N4BP2L1: variants seen among roughly 807,000 people sequenced by gnomAD.
The protein encoded by N4BP2L1 is NEDD4 binding protein 2 like 1, also known as NEDD4-binding protein 2-like 1.
In N4BP2L1, 12 loss-of-function variants were observed where a neutral mutation model predicts 21.2. That is an observed-to-expected ratio of 0.57 (90% CI 0.36 to 0.92). The LOEUF (loss-of-function observed/expected upper bound fraction) is 0.92. N4BP2L1 is among the 40% of genes least tolerant of loss of function. The probability of loss-of-function intolerance (pLI) is 0.01; values close to 1 mark genes in which losing one functional copy is unlikely to be tolerated. For missense variants in N4BP2L1, 259 were observed against 310.6 expected, an observed-to-expected ratio of 0.83 and a Z score of 1.25; for synonymous variants, 104 against 112.8, an observed-to-expected ratio of 0.92 and a Z score of 0.49.
chr13:32,420,145 C>G (rs1418649446), intron 1 of N4BP2L1, among the ~76,000 whole-genome samples: 1 of 152,266 alleles, frequency 6.6e-6, no homozygotes, highest in African/African-American at 2.4e-5. Context: ...CTTTACCCCT[C>G]ATACCTCCAA....
At chr13:32,407,568 A>C (rs761645777) in intron 2 of N4BP2L1, 77 bp downstream of exon 2, 1 of 1,604,814 alleles carries the variant, frequency 6.2e-7, no homozygotes, top group East Asian at 2.2e-5. Flanking sequence ...TCCTTCCATA[A>C]AATTTATTCA....
At chr13:32,429,327 C>G (rs2074933414), upstream of N4BP2L1, among the ~76,000 whole-genome samples, 1 of 152,164 alleles carries the variant, frequency 6.6e-6, no homozygotes, top group Admixed American at 6.5e-5. Flanking sequence ...AAAATCCATT[C>G]CCAGCGTGGA....
intron 1 of N4BP2L1, among the ~76,000 whole-genome samples, chr13:32,408,140 G>T (rs1231229350): frequency 6.6e-6 from 1 of 152,144 alleles, no homozygotes; most frequent in Non-Finnish European, 1.5e-5. Flanking sequence ...TCCTCTCCGA[G>T]GCACCAGTGC....
intron 1 of N4BP2L1, chr13:32,416,137 C>G (rs774342031): frequency 2.0e-5 from 3 of 152,210 alleles, no homozygotes; most frequent in Non-Finnish European, 4.4e-5. Flanking sequence ...AGTCCATTTT[C>G]TTTAACTGCT....
chr13:32,428,420 A>G (rs1052976423), upstream of N4BP2L1: 1 of 196,758 alleles, frequency 5.1e-6, no homozygotes, highest in Non-Finnish European at 1.0e-5. Context: ...CCCGGCCTGG[A>G]AGCCAGGCCT....
At chr13:32,418,956 G>A (rs569454188) in intron 1 of N4BP2L1, among the ~76,000 whole-genome samples, 1 of 152,186 alleles carries the variant, frequency 6.6e-6, no homozygotes, top group South Asian at 2.1e-4. Context: ...ATAAGCAGAA[G>A]GGACTTGCCT....
chr13:32,416,230 G>A (rs2074132305), intron 1 of N4BP2L1, among the ~76,000 whole-genome samples: 1 of 152,114 alleles, frequency 6.6e-6, no homozygotes, highest in Admixed American at 6.5e-5. Flanking sequence ...CTATTCTAGA[G>A]GCTTTACATT....
chr13:32,420,352 A>C (rs191260158), intron 1 of N4BP2L1: 5 of 152,372 alleles, frequency 3.3e-5, no homozygotes, highest in Non-Finnish European at 7.3e-5. Context: ...GAATTGGGGA[A>C]GGAATCAGGC....
At position 32,401,526 on chromosome 13, in the gene N4BP2L1, A is replaced by G. The variant is rs2073128969; in HGVS notation, c.*1416T>C. ...CAGTAGTGTCAGATAACGTTAAAAC[A>G]GTCTCATGTACACAGATCAAATATA... is the stretch of plus-strand genomic sequence containing the variant. On this transcript the variant is annotated 3_prime_UTR_variant, in exon 5 of 5. Transcript: ENST00000380130. 1 of 152,254 alleles carries G rather than the reference A, an allele frequency of 6.6e-6. No homozygotes were observed. Among genetic ancestry groups the G allele is most frequent in the Non-Finnish European group, 1.5e-5 (1 of 68,032 alleles). 9.4% of individuals were successfully genotyped at this position (152,254 alleles called of 1,614,324 possible).
At chr13:32,418,439 G>A (rs892402622) in intron 1 of N4BP2L1, among the ~76,000 whole-genome samples, 1 of 152,250 alleles carries the variant, frequency 6.6e-6, no homozygotes, top group Non-Finnish European at 1.5e-5. Flanking sequence ...CCAGGCAGAG[G>A]TGTGCTGCAG....
chr13:32,413,524 T>C (rs2137843356), intron 1 of N4BP2L1, among the ~76,000 whole-genome samples: 1 of 152,328 alleles, frequency 6.6e-6, no homozygotes, highest in Middle Eastern at 3.4e-3. Context: ...CATGCTAAAT[T>C]CAATGCTAAG....
intron 1 of N4BP2L1, among the ~76,000 whole-genome samples, chr13:32,419,184 T>C (rs1342862868): frequency 6.6e-6 from 1 of 151,194 alleles, no homozygotes; most frequent in Admixed American, 6.6e-5. Flanking sequence ...AACTGAATCA[T>C]GGGAGCAGTT....
chr13:32,402,958 C>A lies in N4BP2L1; in HGVS notation c.716G>T (p.Cys239Phe). 1 of 1,607,628 alleles carries A rather than the reference C, an allele frequency of 6.2e-7. No individual in the cohort carries two copies. The highest frequency in any genetic ancestry group is 8.5e-7 in the Non-Finnish European group (1 of 1,175,582). The change falls in exon 5 of 5, where the codon TGT becomes TTT. Residue 239 changes from cysteine to phenylalanine, a missense_variant. This residue lies in a region of N4BP2L1 where 108 missense variants were observed against 107.8 expected (regional missense o/e 1.00). Coordinates refer to ENST00000380130, the MANE Select transcript of N4BP2L1 (RefSeq NM_052818.3). ...GATAGGCCTCTAATATCCATGGTGA[C>A]AACCGCCCCTTCTGTGATAGGAGCT... ...NESSYHRRGG[C>F]HHGY
intron 1 of N4BP2L1, among the ~76,000 whole-genome samples, chr13:32,418,192 TCCTGGGC>T (rs1417838272): frequency 5.3e-5 from 8 of 152,066 alleles, no homozygotes; most frequent in Admixed American, 5.2e-4. Context: ...ATGAGATGGG[TCCTGGGC>T]CCCCCTGCTG....
chr13:32,403,286 T>C (rs2073263111), intron 4 of N4BP2L1, 86 bp from the exon 5 acceptor site: 13 of 1,369,222 alleles, frequency 9.5e-6, no homozygotes, highest in African/African-American at 1.5e-5. Flanking sequence ...ATTGCAGATA[T>C]TGCAGTCCCT....
chr13:32,402,064 C>T lies in N4BP2L1; in HGVS notation c.*878G>A, dbSNP rs2073158165. On this transcript the variant is annotated 3_prime_UTR_variant, in exon 5 of 5. Transcript: ENST00000380130. ...CTGTATGACCTATATCCTGGGGTGC[C>T]TAATTTCTTGCACTCCCAAACATTT... The T allele has an allele frequency of 1.0e-6, 1 of 985,394 alleles. No individual in the cohort carries two copies. Among genetic ancestry groups the T allele is most frequent in the African/African-American group, 1.7e-5 (1 of 57,354 alleles). The allele number at this position is 985,394 out of a possible 1,614,324, so 61.0% of individuals were successfully genotyped here.
chr13:32,403,317 GC>G (rs576749553), intron 4 of N4BP2L1, 117 bp from the exon 5 acceptor site: 7 of 1,042,174 alleles, frequency 6.7e-6, no homozygotes, highest in Non-Finnish European at 9.7e-6. Context: ...CCTAGCTCTG[GC>G]AAAAGCATAA....
In N4BP2L1 at chr13:32,403,042, T is replaced by C; in HGVS notation, c.632A>G (p.Tyr211Cys). 6.2e-7 allele frequency: 1 copy of C among 1,614,154 alleles called. No homozygotes were observed. Among genetic ancestry groups the C allele is most frequent in the Admixed American group, 1.7e-5 (1 of 60,024 alleles). The change falls in exon 5 of 5, where the codon TAC becomes TGC. Residue 211 changes from tyrosine (Y) to cysteine (C), a missense_variant. This residue lies in a region of N4BP2L1 where 108 missense variants were observed against 107.8 expected (regional missense o/e 1.00). Coordinates refer to ENST00000380130, the MANE Select transcript of N4BP2L1 (RefSeq NM_052818.3). ...NNALPSNNAR[Y>C]WNSYTEFPNR... ...TGGAAACTCTGTGTAGGAATTCCAG[T>C]ATCTGGCATTGTTGGAAGGCAATGC...
intron 1 of N4BP2L1, among the ~76,000 whole-genome samples, chr13:32,408,969 C>G (rs960424743): frequency 1.3e-5 from 2 of 152,174 alleles, no homozygotes; most frequent in Non-Finnish European, 2.9e-5. Flanking sequence ...TTATCCCTAC[C>G]TATTAAACAG....
Sources: gnomAD v4.1 joint callset for allele counts (sites outside exome capture counted in the v4.1 genomes callset) on GRCh38, gnomAD v4.1.1 for gene constraint, gnomAD v4.1.1 regional missense constraint, MANE v1.5 for transcripts, NCBI Gene and HGNC (gene_info 2026-07-23, HGNC 2026-07-21) for gene names.